The following TCF4 variants were observed in gnomAD, a reference collection of about 807,000 sequenced individuals.
The protein encoded by TCF4 is SL3-3 enhancer factor 2.
In TCF4, 3 loss-of-function variants were observed where a neutral mutation model predicts 82.1. The ratio of observed to expected loss-of-function variants is 0.04; its 90% CI spans 0.02 to 0.09. TCF4 has a LOEUF of 0.09. Ranked by LOEUF, TCF4 falls within the 10% of genes least tolerant of loss-of-function variation. The pLI is 1.00. For missense variants in TCF4, 518 were observed against 852.7 expected, an observed-to-expected ratio of 0.61 and a Z score of 4.89; for synonymous variants, 276 against 309.6, an observed-to-expected ratio of 0.89 and a Z score of 1.14.
intron 6 of TCF4, among the ~76,000 whole-genome samples, chr18:55,365,599 G>A (rs1439450381): frequency 1.3e-5 from 2 of 151,828 alleles, no homozygotes; most frequent in Non-Finnish European, 2.9e-5. Context: ...GCACAAACAG[G>A]ATAAAAATCT....
intron 2 of TCF4, among the ~76,000 whole-genome samples, chr18:55,614,188 C>T (rs1036146408): frequency 6.6e-6 from 1 of 152,178 alleles, no homozygotes; most frequent in Non-Finnish European, 1.5e-5. Flanking sequence ...AGCCACTAGA[C>T]CCAGTGTGGG....
chr18:55,225,188 T>C lies in TCF4; in HGVS notation c.*2847A>G, dbSNP rs184649772. ...CAGCTTTCAGTGGCCGTTAGAATTT[T>C]CACTTATTTCCAAAGGGAATTCAAC... On this transcript the variant is annotated 3_prime_UTR_variant, in exon 20 of 20. Transcript: ENST00000354452. 6.5e-6 allele frequency: 1 copy of C among 152,674 alleles called. No homozygotes were observed. The highest frequency in any genetic ancestry group is 1.9e-4 in the East Asian group (1 of 5,178). 9.5% of individuals were successfully genotyped at this position (152,674 alleles called of 1,614,324 possible). A position where few individuals can be genotyped will look rare whatever the true frequency, so the allele number is the denominator to read the frequency against.
At chr18:55,593,852 A>T (rs1349869162) in intron 2 of TCF4, among the ~76,000 whole-genome samples, 2 of 152,244 alleles carry the variant, frequency 1.3e-5, no homozygotes, top group Admixed American at 6.5e-5. Flanking sequence ...AATCAGAATG[A>T]AATAAATGTC....
chr18:55,270,501 A>G (rs886116207), intron 10 of TCF4, among the ~76,000 whole-genome samples: 3 of 152,152 alleles, frequency 2.0e-5, no homozygotes, highest in African/African-American at 4.8e-5. Context: ...AAAAAATTTA[A>G]AAAGCACTAA....
chr18:55,373,773 A>G (rs775287799), intron 6 of TCF4, among the ~76,000 whole-genome samples: 2 of 152,156 alleles, frequency 1.3e-5, no homozygotes, highest in Non-Finnish European at 2.9e-5. Context: ...AGATCGTGCC[A>G]CTACACTCCA....
intron 8 of TCF4, among the ~76,000 whole-genome samples, chr18:55,306,395 T>G (rs951011783): frequency 6.6e-6 from 1 of 152,200 alleles, no homozygotes; most frequent in Non-Finnish European, 1.5e-5. Flanking sequence ...TTCAAGATGG[T>G]GGCTAGTTAA....
chr18:55,434,298 T>A (rs1005369257), intron 5 of TCF4, among the ~76,000 whole-genome samples: 1 of 152,216 alleles, frequency 6.6e-6, no homozygotes, highest in African/African-American at 2.4e-5. Context: ...ATGTAGAATT[T>A]TTTTGTTTGC....
In TCF4 at chr18:55,239,340, G is replaced by A. The variant is rs577468837; in HGVS notation, c.1351-4657C>T. Among the ~76,000 whole-genome samples, 19 of 152,292 alleles carry A rather than the reference G, an allele frequency of 1.2e-4. No individual in the cohort carries two copies. In the South Asian group the frequency reaches 3.7e-3, roughly 30 times the overall value. ...ATTTTACAAAGAAAGCTAAGGCCAA[G>A]AATGGTGAAGTGACTTAAGATCCAA... On this transcript the variant is annotated intron_variant, in intron 15 of 19. Coordinates refer to ENST00000354452, the MANE Select transcript of TCF4 (RefSeq NM_001083962.2).
intron 8 of TCF4, among the ~76,000 whole-genome samples, chr18:55,293,496 A>G (rs2065617401): frequency 3.3e-5 from 5 of 152,172 alleles, no homozygotes. Flanking sequence ...CCAAATGGCT[A>G]TAAATAATGA....
At chr18:55,236,466 T>A in intron 15 of TCF4, among the ~76,000 whole-genome samples, 1 of 150,760 alleles carries the variant, frequency 6.6e-6, no homozygotes, top group African/African-American at 2.5e-5. Context: ...TTTTTTTTTT[T>A]TAAACATATT....
intron 6 of TCF4, among the ~76,000 whole-genome samples, chr18:55,365,834 C>A (rs1473692159): frequency 6.6e-6 from 1 of 151,970 alleles, no homozygotes; most frequent in African/African-American, 2.4e-5. Flanking sequence ...AGAGGTTGCA[C>A]TGAGCTGAGA....
At chr18:55,359,343 C>T (rs1423870984) in intron 6 of TCF4, among the ~76,000 whole-genome samples, 1 of 152,138 alleles carries the variant, frequency 6.6e-6, no homozygotes, top group Non-Finnish European at 1.5e-5. Context: ...CCTCTTCCTT[C>T]TAGACGTTTC....
intron 6 of TCF4, among the ~76,000 whole-genome samples, chr18:55,395,205 T>A (rs1000394768): frequency 1.3e-4 from 20 of 152,206 alleles, no homozygotes; most frequent in African/African-American, 4.8e-4. Context: ...GCTACACTGA[T>A]CTCTACATGA....
At chr18:55,548,354 C>G (rs973884422) in intron 3 of TCF4, among the ~76,000 whole-genome samples, 2 of 152,130 alleles carry the variant, frequency 1.3e-5, no homozygotes, top group African/African-American at 4.8e-5. Context: ...CAGATCTTGC[C>G]AAGAATGGAG....
chr18:55,548,102 A>G (rs1287631039), intron 3 of TCF4, among the ~76,000 whole-genome samples: 2 of 152,232 alleles, frequency 1.3e-5, no homozygotes, highest in African/African-American at 4.8e-5. Context: ...AATTTAGGTT[A>G]AGATTTGAAT....
rs572017753 is a variant in TCF4 at position 55,345,572 on chromosome 18, G to A, written c.549+4787C>T. 4.6e-5 allele frequency among the ~76,000 whole-genome samples: 7 copies of A among 152,056 alleles called. No individual in the cohort carries two copies. In the South Asian group the frequency reaches 8.3e-4, roughly 18 times the overall value. On this transcript the variant is annotated intron_variant, in intron 8 of 19. Coordinates refer to ENST00000354452, the MANE Select transcript of TCF4 (RefSeq NM_001083962.2). ...TTCCAATATCTTTAATTAGAAAATG[G>A]GCACACTAAGTTTAAAAGTGAATAC...
At chr18:55,537,411 G>A (rs569762147) in intron 3 of TCF4, among the ~76,000 whole-genome samples, 153 of 152,132 alleles carry the variant, frequency 1.0e-3, no homozygotes, top group Non-Finnish European at 1.6e-3. Flanking sequence ...GCAACATGGC[G>A]AAACACCATC....
At chr18:55,411,031 T>C (rs943312102) in intron 5 of TCF4, among the ~76,000 whole-genome samples, 3 of 152,196 alleles carry the variant, frequency 2.0e-5, no homozygotes, top group African/African-American at 7.2e-5. Flanking sequence ...ATGCTTGATT[T>C]TCCGAACGCA....
chr18:55,301,099 G>T lies in TCF4; in HGVS notation c.550-21443C>A, dbSNP rs577430913. Among the ~76,000 whole-genome samples, 7 of 152,136 alleles carry T rather than the reference G, an allele frequency of 4.6e-5. No individual in the cohort carries two copies. In the East Asian group the frequency reaches 1.2e-3, roughly 25 times the overall value. On this transcript the variant is annotated intron_variant, in intron 8 of 19. Coordinates refer to ENST00000354452, the MANE Select transcript of TCF4 (RefSeq NM_001083962.2). The stretch of plus-strand genomic sequence containing the variant: ...CTCCCCTCCCACCAGTGAGATAGTG[G>T]GAAAGTGGAAACCACTCCCCAATTA...
Sources: gnomAD v4.1 joint callset for allele counts (sites outside exome capture counted in the v4.1 genomes callset) on GRCh38, gnomAD v4.1.1 for gene constraint, MANE v1.5 for transcripts, NCBI Gene and HGNC (gene_info 2026-07-23, HGNC 2026-07-21) for gene names.